KLC1: variants seen among roughly 807,000 people sequenced by gnomAD.
KLC1 encodes the protein kinesin 2 60/70kDa.
Under a neutral mutation model 84.2 loss-of-function variants are expected in KLC1, and 30 were observed. The ratio of observed to expected loss-of-function variants is 0.36; its 90% CI spans 0.27 to 0.48. The LOEUF is 0.48. Among genes scored for constraint, KLC1 ranks in the 20% least tolerant of loss-of-function variants. KLC1 has a pLI of 0.99. For synonymous variants in KLC1, 289 were observed against 293.3 expected (o/e 0.99, Z 0.15); for missense variants, 499 against 805.4 (o/e 0.62, Z 4.60).
At chr14:103,657,451 TA>T in intron 2 of KLC1, 94 bp from the exon 3 acceptor site, 1 of 871,884 alleles carries the variant, frequency 1.1e-6, no homozygotes, top group Non-Finnish European at 1.8e-6. Context: ...TCTGCGAGTG[TA>T]AGCTACAGCC....
intron 15 of KLC1, chr14:103,697,121 T>C (rs2082596784): frequency 1.0e-6 from 1 of 985,342 alleles, no homozygotes. Context: ...TATGTTCAAT[T>C]ACAGAAATAA....
chr14:103,690,714 A>T (rs897647915), intron 14 of KLC1, among the ~76,000 whole-genome samples: 10 of 152,188 alleles, frequency 6.6e-5, no homozygotes, highest in African/African-American at 2.2e-4. Context: ...ACTTCAGGGG[A>T]GTTTATGTTC....
In KLC1 at chr14:103,691,458, C is replaced by CTTT. The variant is rs71126053; in HGVS notation, c.1782-875_1782-873dup. Among the ~76,000 whole-genome samples the CTTT allele has an allele frequency of 2.3e-3, 157 of 68,832 alleles. 13 individuals carry two copies. The highest frequency in any genetic ancestry group is 2.8e-3 in the African/African-American group (43 of 15,442). 45.2% of individuals were successfully genotyped at this position (68,832 alleles called of 152,430 possible). A position where few individuals can be genotyped will look rare whatever the true frequency, so the allele number is the denominator to read the frequency against. ...TACAAGCATGAGCCACCACGCCTGG[C>CTTT]TTTTTTTTTTTTTTTTTTTTTTTTT... is the stretch of plus-strand genomic sequence containing the variant. On this transcript the variant is annotated intron_variant, in intron 14 of 16. Transcript: ENST00000334553.
chr14:103,641,586 A>T (rs551335126), intron 1 of KLC1, among the ~76,000 whole-genome samples: 30 of 151,920 alleles, frequency 2.0e-4, no homozygotes, highest in East Asian at 1.5e-3. Context: ...TTCCCTTTTT[A>T]AAAAAAATTT....
chr14:103,701,116 C>T, intron 16 of KLC1, 85 bp from the exon 17 acceptor site: 1 of 1,495,370 alleles, frequency 6.7e-7, no homozygotes, highest in Non-Finnish European at 9.1e-7. Flanking sequence ...GGTGGGGGTT[C>T]CCCAGAGAGC....
chr14:103,685,209 C>T, intron 13 of KLC1: 1 of 1,420,496 alleles, frequency 7.0e-7, no homozygotes, highest in Non-Finnish European at 9.2e-7. Flanking sequence ...CCGTGGTTTC[C>T]TAAAGTTTCT....
At chr14:103,699,409 AC>A in intron 15 of KLC1, 4 of 1,612,454 alleles carry the variant, frequency 2.5e-6, no homozygotes, top group Non-Finnish European at 3.4e-6. Context: ...TGCTCAGCTC[AC>A]GCAGCGTGGC....
At position 103,649,394 on chromosome 14, in the gene KLC1, A is replaced by G. The variant is rs1474635905; in HGVS notation, c.-1-5170A>G. The stretch of plus-strand genomic sequence containing the variant: ...CAATTATAGGGTTTTTTTGGTCTTC[A>G]TTATGTTAGGTAGTGACTTACAGTC... On this transcript the variant is annotated intron_variant, in intron 1 of 16. Transcript: ENST00000334553. Among the ~76,000 whole-genome samples the G allele has an allele frequency of 3.3e-5, 5 of 151,998 alleles. No individual in the cohort carries two copies. In the East Asian group the frequency reaches 9.6e-4, roughly 29 times the overall value.
At chr14:103,640,694 T>A (rs2077420455) in intron 1 of KLC1, among the ~76,000 whole-genome samples, 1 of 151,742 alleles carries the variant, frequency 6.6e-6, no homozygotes, top group South Asian at 2.1e-4. Context: ...GTATGTATAC[T>A]TTTTTGGTTT....
intron 2 of KLC1, among the ~76,000 whole-genome samples, chr14:103,655,763 C>T (rs1437165826): frequency 6.6e-6 from 1 of 152,186 alleles, no homozygotes; most frequent in African/African-American, 2.4e-5. Context: ...CACATACCAC[C>T]ATTCCTGGCT....
At chr14:103,634,842 A>C (rs370473531) in intron 1 of KLC1, among the ~76,000 whole-genome samples, 2 of 152,062 alleles carry the variant, frequency 1.3e-5, no homozygotes, top group East Asian at 3.9e-4. Flanking sequence ...TGGCCTCCCA[A>C]AGTGTCGGGA....
At chr14:103,696,091 C>CGGGGGGGGGGGGGGGGGGG in intron 15 of KLC1, 12 of 744,648 alleles carry the variant, frequency 1.6e-5, no homozygotes, top group Non-Finnish European at 1.8e-5. Flanking sequence ...ATAATCACTG[C>CGGGGGGGGGGGGGGGGGGG]GCCCCCGCCC....
intron 1 of KLC1, among the ~76,000 whole-genome samples, chr14:103,646,074 T>A (rs369665499): frequency 1.8e-4 from 28 of 152,298 alleles, no homozygotes; most frequent in African/African-American, 6.5e-4. Flanking sequence ...TATAATCTTA[T>A]GGGACCACTG....
rs2079347721 is a variant in KLC1, at chr14:103,662,112, A to G, written c.493-4A>G. On this transcript the variant is annotated splice_polypyrimidine_tract_variant and splice_region_variant and intron_variant, in intron 3 of 16. Coordinates refer to ENST00000334553, the MANE Select transcript of KLC1 (RefSeq NM_001394837.1). ...TGAAGTGTTGTCCTGGGTCTGTTTTATAGGAGGACAAAGACACTGATTCTA... is the reference window on the plus strand; with the variant it reads ...TGAAGTGTTGTCCTGGGTCTGTTTTGTAGGAGGACAAAGACACTGATTCTA... 6.2e-7 allele frequency: 1 copy of G among 1,611,636 alleles called. No individual in the cohort carries two copies. Among genetic ancestry groups the G allele is most frequent in the South Asian group, 1.1e-5 (1 of 91,044 alleles).
chr14:103,665,020 G>A (rs1324254966), intron 5 of KLC1, among the ~76,000 whole-genome samples: 1 of 151,962 alleles, frequency 6.6e-6, no homozygotes, highest in Non-Finnish European at 1.5e-5. Flanking sequence ...TTTTTCCCTA[G>A]CATTATAGTG....
At chr14:103,651,682 C>T (rs2078456435) in intron 1 of KLC1, among the ~76,000 whole-genome samples, 1 of 152,214 alleles carries the variant, frequency 6.6e-6, no homozygotes, top group African/African-American at 2.4e-5. Context: ...CTCCTCTAGC[C>T]TTGGTACTGG....
At chr14:103,640,141 A>C (rs547416148) in intron 1 of KLC1, among the ~76,000 whole-genome samples, 1 of 152,020 alleles carries the variant, frequency 6.6e-6, no homozygotes, top group Non-Finnish European at 1.5e-5. Context: ...GCTCACTGCA[A>C]ACTCCACTTT....
At chr14:103,669,680 A>C in intron 6 of KLC1, 82 bp downstream of exon 6, 2 of 984,104 alleles carry the variant, frequency 2.0e-6, no homozygotes, top group Non-Finnish European at 3.2e-6. Context: ...TTACCATTAA[A>C]CTCAACAGGG....
Position 103,652,288 on chromosome 14 carries a change from T to C in KLC1, c.-1-2276T>C, listed in dbSNP as rs72710759. 3.9e-3 allele frequency among the ~76,000 whole-genome samples: 599 copies of C among 152,290 alleles called. 3 individuals carry two copies. The highest frequency in any genetic ancestry group is 0.014 in the Middle Eastern group (4 of 294). On this transcript the variant is annotated intron_variant, in intron 1 of 16. Coordinates refer to ENST00000334553, the MANE Select transcript of KLC1 (RefSeq NM_001394837.1). Reference sequence around the variant, plus strand: ...GAAAACTGGTCCTTAAGTGTTTTCTTTCACTCATTTTACAAATGTGTATTG... The same window carrying C: ...GAAAACTGGTCCTTAAGTGTTTTCTCTCACTCATTTTACAAATGTGTATTG...
Sources: allele counts gnomAD v4.1 joint callset (sites outside exome capture counted in the v4.1 genomes callset), GRCh38; gene constraint gnomAD v4.1.1; transcripts MANE v1.5; gene names NCBI Gene and HGNC (gene_info 2026-07-23, HGNC 2026-07-21).